TAF1B: variants seen among roughly 807,000 people sequenced by gnomAD.
TAF1B encodes the protein TATA-box binding protein associated factor, RNA polymerase I subunit B, also known as TATA box-binding protein-associated factor RNA polymerase I subunit B.
Under a neutral mutation model 83.9 loss-of-function variants are expected in TAF1B, and 61 were observed. The ratio of observed to expected loss-of-function variants is 0.73; its 90% CI spans 0.59 to 0.90. TAF1B has a LOEUF of 0.90. Among genes scored for constraint, TAF1B ranks in the 40% least tolerant of loss-of-function variants. The pLI is 0.00. For synonymous variants in TAF1B, 221 were observed against 224.6 expected, an observed-to-expected ratio of 0.98 and a Z score of 0.14; for missense variants, 625 against 677.0, an observed-to-expected ratio of 0.92 and a Z score of 0.85.
chr2:9,918,984 T>G (rs529345369), intron 12 of TAF1B, 57 bp from the exon 13 acceptor site: 2 of 1,393,804 alleles, frequency 1.4e-6, no homozygotes, highest in South Asian at 1.2e-5. Flanking sequence ...CTTCAGACAA[T>G]GTGTTTATGT....
At chr2:9,926,815 A>AG (rs1436743779) in intron 14 of TAF1B, among the ~76,000 whole-genome samples, 1 of 151,672 alleles carries the variant, frequency 6.6e-6, no homozygotes, top group Admixed American at 6.6e-5. Context: ...AAAAAAAAAA[A>AG]AAAAAAAGAG....
intron 6 of TAF1B, among the ~76,000 whole-genome samples, chr2:9,871,236 T>G (rs4669475): frequency 6.6e-6 from 1 of 151,992 alleles, no homozygotes; most frequent in African/African-American, 2.4e-5. Context: ...CCCGCCACCA[T>G]GCCCAGCTAA....
intron 14 of TAF1B, among the ~76,000 whole-genome samples, chr2:9,928,993 G>T (rs1666127805): frequency 6.6e-6 from 1 of 152,086 alleles, no homozygotes; most frequent in Non-Finnish European, 1.5e-5. Flanking sequence ...ATTGGCTGTG[G>T]GTTTCTCATA....
At chr2:9,905,345 A>G (rs71437682) in intron 9 of TAF1B, among the ~76,000 whole-genome samples, 4,865 of 152,268 alleles carry the variant, frequency 0.032, 127 homozygotes, top group East Asian at 0.09. Context: ...CTCCATCCCA[A>G]AACGGCACTT....
intron 7 of TAF1B, among the ~76,000 whole-genome samples, chr2:9,877,245 A>G (rs569099147): frequency 6.6e-6 from 1 of 152,318 alleles, no homozygotes; most frequent in East Asian, 1.9e-4. Flanking sequence ...ATAGATTCAT[A>G]TATACAGCTG....
chr2:9,911,348 A>G (rs1273331817), intron 10 of TAF1B, among the ~76,000 whole-genome samples, 163 bp from the exon 11 acceptor site: 2 of 152,242 alleles, frequency 1.3e-5, no homozygotes, highest in Admixed American at 6.5e-5. Flanking sequence ...AAAGAGTGAC[A>G]GTATTTATAG....
intron 14 of TAF1B, among the ~76,000 whole-genome samples, chr2:9,929,157 G>A (rs1429301954): frequency 6.6e-6 from 1 of 151,928 alleles, no homozygotes; most frequent in Non-Finnish European, 1.5e-5. Context: ...TGTTGTTGTT[G>A]TTGTTGTTGT....
intron 4 of TAF1B, among the ~76,000 whole-genome samples, chr2:9,854,027 AC>A (rs1383852922): frequency 5.3e-5 from 8 of 152,222 alleles, no homozygotes; most frequent in Non-Finnish European, 1.2e-4. Context: ...AGGTAAGAAT[AC>A]ATTTAGATGG....
chr2:9,844,933 A>C (rs1173482686), intron 1 of TAF1B, among the ~76,000 whole-genome samples: 4 of 152,120 alleles, frequency 2.6e-5, no homozygotes, highest in African/African-American at 9.7e-5. Flanking sequence ...CAGTATTTTC[A>C]AGGAGCTTTG....
chr2:9,873,767 T>A (rs1250317658), intron 6 of TAF1B, among the ~76,000 whole-genome samples: 1 of 151,854 alleles, frequency 6.6e-6, no homozygotes, highest in Non-Finnish European at 1.5e-5. Flanking sequence ...ATCCTTTGAC[T>A]CTGCCTTTAA....
At chr2:9,858,805 G>A (rs1031470589) in intron 5 of TAF1B, among the ~76,000 whole-genome samples, 12 of 152,218 alleles carry the variant, frequency 7.9e-5, no homozygotes, top group African/African-American at 2.7e-4. Context: ...TGGCTGGGAT[G>A]CAGGGCGCCA....
chr2:9,863,294 A>G (rs1663842944), intron 5 of TAF1B, among the ~76,000 whole-genome samples: 1 of 152,256 alleles, frequency 6.6e-6, no homozygotes, highest in Non-Finnish European at 1.5e-5. Flanking sequence ...AGGGGTTGTA[A>G]TCCTAGTCTC....
At chr2:9,880,426 C>CTTTTTTTTTTT (rs6146620) in intron 7 of TAF1B, among the ~76,000 whole-genome samples, 1 of 75,036 alleles carries the variant, frequency 1.3e-5, no homozygotes, top group African/African-American at 5.3e-5. Flanking sequence ...GAGTAAGCAG[C>CTTTTTTTTTTT]TTTTTTTTTT....
intron 14 of TAF1B, among the ~76,000 whole-genome samples, chr2:9,923,365 T>G (rs886287845): frequency 6.6e-6 from 1 of 151,954 alleles, no homozygotes; most frequent in Non-Finnish European, 1.5e-5. Context: ...AAAGTTGAGC[T>G]GCATCTACAA....
At chr2:9,852,522 C>A (rs576226499) in intron 4 of TAF1B, among the ~76,000 whole-genome samples, 1 of 151,938 alleles carries the variant, frequency 6.6e-6, no homozygotes, top group South Asian at 2.1e-4. Context: ...GACGGAGTCT[C>A]GCTCTGTTGC....
intron 8 of TAF1B, among the ~76,000 whole-genome samples, chr2:9,884,572 G>A (rs1572248308): frequency 3.3e-5 from 5 of 152,224 alleles, no homozygotes; most frequent in Admixed American, 2.6e-4. Context: ...CCTGATGAGC[G>A]TTCAGCTCCT....
chr2:9,885,301 CA>C (rs1352163424), intron 8 of TAF1B, among the ~76,000 whole-genome samples: 1 of 152,144 alleles, frequency 6.6e-6, no homozygotes, highest in Non-Finnish European at 1.5e-5. Context: ...AGAGGTTTAG[CA>C]GGGATCACAT....
chr2:9,844,784 T>A (rs1216188129), intron 1 of TAF1B, among the ~76,000 whole-genome samples: 1 of 152,224 alleles, frequency 6.6e-6, no homozygotes, highest in Non-Finnish European at 1.5e-5. Context: ...CCCCTTATGC[T>A]GCCGAGTGAA....
At chr2:9,884,056 G>A (rs147731463) in intron 8 of TAF1B, among the ~76,000 whole-genome samples, 200 of 152,354 alleles carry the variant, frequency 1.3e-3, no homozygotes, top group African/African-American at 4.5e-3. Flanking sequence ...GGCATGGAAT[G>A]GTGATGGATG....
Sources: gnomAD v4.1 joint callset for allele counts (sites outside exome capture counted in the v4.1 genomes callset) on GRCh38, gnomAD v4.1.1 for gene constraint, MANE v1.5 for transcripts, NCBI Gene and HGNC (gene_info 2026-07-23, HGNC 2026-07-21) for gene names.